KSR1: variants seen among roughly 807,000 people sequenced by gnomAD.
KSR1 encodes kinase suppressor of ras.
In KSR1, 35 loss-of-function variants were observed where a neutral mutation model predicts 92.9. The observed-to-expected ratio is 0.38, with a 90% CI of 0.29 to 0.50. The LOEUF is 0.50. Among genes scored for constraint, KSR1 ranks in the 20% least tolerant of loss-of-function variants. The pLI is 0.94. For missense variants in KSR1, 972 were observed against 1,158.5 expected (o/e 0.84, Z 2.34); for synonymous variants, 467 against 472.6 (o/e 0.99, Z 0.15).
rs1380508255 is a variant in KSR1, at chr17:27,578,944, T to C, written c.520+1305T>C. ...ACCACTGGAGGCGTTGGATGAGTCA[T>C]CTGGGGCCCCACACCTGGCATGGAG... is the stretch of plus-strand genomic sequence containing the variant. On this transcript the variant is annotated intron_variant, in intron 3 of 20. Transcript: ENST00000644974. 2.6e-5 allele frequency: 4 copies of C among 152,434 alleles called. No homozygotes were observed. The East Asian group carries it at 7.7e-4, about 29-fold the overall frequency. The allele number at this position is 152,434 out of a possible 1,614,324, so 9.4% of individuals were successfully genotyped here.
chr17:27,499,841 G>A (rs950834444), intron 1 of KSR1, among the ~76,000 whole-genome samples: 1 of 152,264 alleles, frequency 6.6e-6, no homozygotes, highest in Non-Finnish European at 1.5e-5. Context: ...CAGAGGGGGT[G>A]TACGAGGCCT....
intron 2 of KSR1, among the ~76,000 whole-genome samples, chr17:27,575,982 CGTTCATTCAG>C (rs1321219616): frequency 6.6e-6 from 1 of 152,194 alleles, no homozygotes; most frequent in Non-Finnish European, 1.5e-5. Context: ...ATCCACTTCA[CGTTCATTCAG>C]GTTATTGGCA....
intron 4 of KSR1, among the ~76,000 whole-genome samples, chr17:27,584,458 G>A (rs898237669): frequency 3.9e-5 from 6 of 152,172 alleles, no homozygotes; most frequent in African/African-American, 1.2e-4. Flanking sequence ...TGGGGCCTGG[G>A]TCCCACCCAG....
At chr17:27,477,080 G>C (rs1271030822) in intron 1 of KSR1, among the ~76,000 whole-genome samples, 1 of 152,214 alleles carries the variant, frequency 6.6e-6, no homozygotes, top group Non-Finnish European at 1.5e-5. Flanking sequence ...GTAACTTCTT[G>C]ACATTGCCAT....
In KSR1 at chr17:27,534,989, C is replaced by T. The variant is rs184778855; in HGVS notation, c.232-15579C>T. 2.0e-3 allele frequency among the ~76,000 whole-genome samples: 305 copies of T among 152,304 alleles called. 4 individuals carry two copies. The highest frequency in any genetic ancestry group is 1.2e-3 in the African/African-American group (50 of 41,566). ...TGGCTAATCAGTGACCTTCTCAGAT[C>T]GCTTAGGAAAAGCGTGTGGATGTCC... On this transcript the variant is annotated intron_variant, in intron 1 of 20. Transcript: ENST00000644974.
chr17:27,516,499 CAGAGT>C (rs918269898), intron 1 of KSR1, among the ~76,000 whole-genome samples: 1 of 152,052 alleles, frequency 6.6e-6, no homozygotes, highest in Non-Finnish European at 1.5e-5. Context: ...TGTGATAGTG[CAGAGT>C]AGAGTCTCCC....
intron 10 of KSR1, among the ~76,000 whole-genome samples, chr17:27,600,400 A>G (rs2073513830): frequency 6.6e-6 from 1 of 152,174 alleles, no homozygotes; most frequent in African/African-American, 2.4e-5. Flanking sequence ...AGATTGTGCC[A>G]TTGCATTCCA....
intron 1 of KSR1, among the ~76,000 whole-genome samples, chr17:27,489,871 G>A (rs758534577): frequency 8.5e-5 from 13 of 152,196 alleles, no homozygotes; most frequent in Non-Finnish European, 1.6e-4. Flanking sequence ...AAAAGGAGGG[G>A]CAGCTGCGTT....
chr17:27,617,595 T>C, intron 19 of KSR1, 167 bp downstream of exon 19: 1 of 729,680 alleles, frequency 1.4e-6, no homozygotes, highest in African/African-American at 1.8e-5. Flanking sequence ...TGGCACGATC[T>C]CAGCTCACTG....
intron 2 of KSR1, among the ~76,000 whole-genome samples, chr17:27,571,526 A>G (rs751159540): frequency 5.9e-5 from 9 of 152,056 alleles, no homozygotes; most frequent in Non-Finnish European, 1.2e-4. Context: ...GCAGGGTCCT[A>G]TGTCACCACC....
At chr17:27,587,236 G>A (rs189092785) in intron 5 of KSR1, 2 of 152,508 alleles carry the variant, frequency 1.3e-5, no homozygotes, top group East Asian at 3.8e-4. Context: ...AGGAAGTTGG[G>A]ACAAGTCAAC....
At chr17:27,529,299 G>T (rs62057793) in intron 1 of KSR1, among the ~76,000 whole-genome samples, 1 of 152,134 alleles carries the variant, frequency 6.6e-6, no homozygotes, top group Non-Finnish European at 1.5e-5. Flanking sequence ...AAAAAAAGTT[G>T]CCTCATAGTG....
chr17:27,590,298 T>A lies in KSR1; in HGVS notation c.1047-513T>A, dbSNP rs2073119929. Among the ~76,000 whole-genome samples, 4 of 152,364 alleles carry A rather than the reference T, an allele frequency of 2.6e-5. No homozygotes were observed. The East Asian group carries it at 7.7e-4, about 29-fold the overall frequency. ...ACTTGACAATGTGATTTGGAGATCA[T>A]TCCGTATTTGCACAGAAAGAGCGTC... On this transcript the variant is annotated intron_variant, in intron 6 of 20. Coordinates refer to ENST00000644974, the MANE Select transcript of KSR1 (RefSeq NM_001394583.1).
intron 2 of KSR1, chr17:27,566,275 C>G (rs2072062854): frequency 2.6e-6 from 1 of 389,046 alleles, no homozygotes. Flanking sequence ...CATCTCCCAC[C>G]CAGCACCTGC....
intron 1 of KSR1, among the ~76,000 whole-genome samples, chr17:27,483,413 C>A (rs2068570258): frequency 6.6e-6 from 1 of 152,006 alleles, no homozygotes; most frequent in Non-Finnish European, 1.5e-5. Flanking sequence ...CGTGGAGAAA[C>A]CCTGTCTCTA....
At position 27,623,941 on chromosome 17, in the gene KSR1, C is replaced by T. The variant is rs2074288799; in HGVS notation, c.*549C>T. On this transcript the variant is annotated 3_prime_UTR_variant, in exon 21 of 21. Coordinates refer to ENST00000644974, the MANE Select transcript of KSR1 (RefSeq NM_001394583.1). ...GGGATACTGCCCCTTCCTCGTCTTG[C>T]AGAGGAAACCCTGGCTAGGAACTGA... The T allele has an allele frequency of 3.7e-6, 1 of 273,478 alleles. No individual in the cohort carries two copies. The highest frequency in any genetic ancestry group is 2.2e-5 in the African/African-American group (1 of 45,534). The allele number at this position is 273,478 out of a possible 1,614,324, so 16.9% of individuals were successfully genotyped here.
At chr17:27,518,892 A>G (rs965849993) in intron 1 of KSR1, among the ~76,000 whole-genome samples, 1 of 152,154 alleles carries the variant, frequency 6.6e-6, no homozygotes, top group African/African-American at 2.4e-5. Context: ...TGTGGCCTGC[A>G]CTGGCTGGTT....
chr17:27,604,676 T>C lies in KSR1; in HGVS notation c.1566-4T>C. On this transcript the variant is annotated splice_region_variant and splice_polypyrimidine_tract_variant and intron_variant, in intron 12 of 20. Transcript: ENST00000644974. ...TCTCCTTGACAAACCTTGTTTACTC[T>C]TAGGCTCGATGACCAGCCGAAAGCA... 6.2e-7 allele frequency: 1 copy of C among 1,614,018 alleles called. No individual in the cohort carries two copies. Among genetic ancestry groups the C allele is most frequent in the Non-Finnish European group, 8.5e-7 (1 of 1,179,866 alleles).
intron 2 of KSR1, among the ~76,000 whole-genome samples, chr17:27,569,947 C>A (rs2072241093): frequency 6.6e-6 from 1 of 152,168 alleles, no homozygotes; most frequent in Non-Finnish European, 1.5e-5. Flanking sequence ...GGTGGGCTGG[C>A]CTGGAGAGAA....
Sources: allele counts gnomAD v4.1 joint callset (sites outside exome capture counted in the v4.1 genomes callset), GRCh38; gene constraint gnomAD v4.1.1; transcripts MANE v1.5; gene names NCBI Gene and HGNC (gene_info 2026-07-23, HGNC 2026-07-21).